Variants in CFAP46 observed in about 807,000 individuals in gnomAD.
The protein encoded by CFAP46 is cilia- and flagella-associated protein 46.
A neutral mutation model predicts 325.7 loss-of-function variants in CFAP46; 245 were observed. That is an observed-to-expected ratio of 0.75 (90% CI 0.68 to 0.84). The LOEUF (loss-of-function observed/expected upper bound fraction) is 0.84. CFAP46 is among the 40% of genes least tolerant of loss of function. The pLI is 0.00. For synonymous variants in CFAP46, 1,523 were observed against 1,495.9 expected (o/e 1.02, Z -0.42); for missense variants, 3,346 against 3,543.0 (o/e 0.94, Z 1.41).
intron 46 of CFAP46, 102 bp downstream of exon 46, chr10:132,836,040 C>T (rs1377354217): frequency 6.5e-6 from 2 of 308,930 alleles, no homozygotes; most frequent in East Asian, 1.2e-4. Context: ...CTCCCCTCCA[C>T]CTCTCACCTC....
Position 132,846,340 on chromosome 10 carries a change from T to TCCTGGCAAGGCTCC in CFAP46, c.6268-127_6268-114dup, listed in dbSNP as rs1381813537. 2.3e-6 allele frequency: 3 copies of TCCTGGCAAGGCTCC among 1,321,430 alleles called. No homozygotes were observed. In the Admixed American group the frequency reaches 7.5e-5, roughly 33 times the overall value. The allele number at this position is 1,321,430 out of a possible 1,614,324, so 81.9% of individuals were successfully genotyped here. ...CCTGGGAGCAGGAGTGGGCTGGCTC[T>TCCTGGCAAGGCTCC]CCTGGCAAGGCTCCCCTGGGATGCT... On this transcript the variant is annotated intron_variant, in intron 43 of 57. Coordinates refer to ENST00000368586, the MANE Select transcript of CFAP46 (RefSeq NM_001200049.3).
At chr10:132,826,502 C>T (rs865887008) in intron 50 of CFAP46, among the ~76,000 whole-genome samples, 73 of 134,156 alleles carry the variant, frequency 5.4e-4, no homozygotes, top group East Asian at 2.3e-3. Flanking sequence ...GCCGGAGCCA[C>T]GGAGCCAGGC....
At chr10:132,897,115 G>A (rs561173473) in intron 24 of CFAP46, among the ~76,000 whole-genome samples, 1 of 152,184 alleles carries the variant, frequency 6.6e-6, no homozygotes, top group South Asian at 2.1e-4. Context: ...TAACTCAAAT[G>A]GATCAAAGAT....
rs1401375018 is a variant in CFAP46, at chr10:132,898,200, C to T, written c.3219+759G>A. Among the ~76,000 whole-genome samples the T allele has an allele frequency of 6.6e-5, 10 of 152,188 alleles. 1 individual carries two copies. Among genetic ancestry groups the T allele is most frequent in the African/African-American group, 9.7e-5 (4 of 41,448 alleles). ...AGTCTCAGCCTCTTTCCAGGAGGAG[C>T]GGGATGCCTCCCCATCTCCCAGCAG... On this transcript the variant is annotated intron_variant, in intron 24 of 57. Transcript: ENST00000368586.
rs760878393 is a variant in CFAP46 at position 132,808,796 on chromosome 10, C to A, written c.7773G>T (p.Arg2591=). 5.6e-6 allele frequency: 9 copies of A among 1,604,492 alleles called. No individual in the cohort carries two copies. Among genetic ancestry groups the A allele is most frequent in the Non-Finnish European group, 4.3e-6 (5 of 1,175,990 alleles). ...GPVWAAAPSH[R]VVQAWTCLPS... is the part of the protein sequence containing the mutation. ...GGAGGCAGGTCCAGGCCTGCACTACCCGATGGCTTGGTGCGGCAGCCCATA... is the reference window on the plus strand; with the variant it reads ...GGAGGCAGGTCCAGGCCTGCACTACACGATGGCTTGGTGCGGCAGCCCATA... The change falls in exon 58 of 58, where the codon CGG becomes CGT. Residue 2591 remains arginine (R), a synonymous_variant. Coordinates refer to ENST00000368586, the MANE Select transcript of CFAP46 (RefSeq NM_001200049.3). This position sits in a 1 kb window ranked among gnomAD's most constrained non-coding sequence, Gnocchi z 6.8.
In CFAP46 at chr10:132,822,669, TTGTGTGTGC is replaced by T. The variant is rs1260859164; in HGVS notation, c.7118-7764_7118-7756del. The stretch of plus-strand genomic sequence containing the variant: ...GCGCTGATGTGTGCTGTGTGTGCGC[TTGTGTGTGC>T]TGTGTGTGCTGATGTGTGCTGTGTG... On this transcript the variant is annotated intron_variant, in intron 50 of 57. Coordinates refer to ENST00000368586, the MANE Select transcript of CFAP46 (RefSeq NM_001200049.3). 5.9e-4 allele frequency among the ~76,000 whole-genome samples: 77 copies of T among 130,222 alleles called. 1 individual carries two copies. The highest frequency in any genetic ancestry group is 2.1e-3 in the African/African-American group (71 of 33,728). The allele number at this position is 130,222 out of a possible 152,430, so 85.4% of individuals were successfully genotyped here.
intron 24 of CFAP46, among the ~76,000 whole-genome samples, chr10:132,894,014 G>A (rs1232481958): frequency 6.6e-6 from 1 of 151,910 alleles, no homozygotes; most frequent in Non-Finnish European, 1.5e-5. Flanking sequence ...GCAGCCCCCT[G>A]TGGGTTTGCC....
At chr10:132,934,488 G>A (rs1591100426) in intron 8 of CFAP46, among the ~76,000 whole-genome samples, 1 of 152,220 alleles carries the variant, frequency 6.6e-6, no homozygotes, top group Non-Finnish European at 1.5e-5. Flanking sequence ...CACCAGAACC[G>A]TGAGAGGTGC....
chr10:132,855,307 C>T (rs1591056053), intron 39 of CFAP46, among the ~76,000 whole-genome samples: 1 of 152,232 alleles, frequency 6.6e-6, no homozygotes, highest in Non-Finnish European at 1.5e-5. Flanking sequence ...ATTCTTTTTT[C>T]CAAAATCGGC....
chr10:132,814,647 G>A (rs1174967009), intron 52 of CFAP46, 35 bp from the exon 53 acceptor site: 4 of 1,581,846 alleles, frequency 2.5e-6, no homozygotes, highest in East Asian at 2.3e-5. Context: ...GGAGCACAGG[G>A]CGGGGTCTGG....
chr10:132,870,564 T>C (rs1490563434), intron 32 of CFAP46, among the ~76,000 whole-genome samples: 1 of 152,164 alleles, frequency 6.6e-6, no homozygotes, highest in Non-Finnish European at 1.5e-5. Context: ...TCAGTGCCGG[T>C]ATGAAAAAGT....
intron 44 of CFAP46, 26 bp downstream of exon 44, chr10:132,846,031 G>A (rs757994669): frequency 6.3e-7 from 1 of 1,590,910 alleles, no homozygotes; most frequent in Non-Finnish European, 8.5e-7. Context: ...CTGGGGGCAG[G>A]TTCAGCGGCA....
chr10:132,836,775 C>T, intron 45 of CFAP46, 42 bp downstream of exon 45: 1 of 1,558,424 alleles, frequency 6.4e-7, no homozygotes, highest in Non-Finnish European at 8.8e-7. Flanking sequence ...TGAGGCCTCT[C>T]AGCGGGCTGG....
chr10:132,861,041 G>A, intron 35 of CFAP46, 59 bp from the exon 36 acceptor site: 1 of 1,481,940 alleles, frequency 6.7e-7, no homozygotes. Context: ...CAGGCAGGGA[G>A]ACAGGAGCAG....
intron 53 of CFAP46, 87 bp downstream of exon 53, chr10:132,814,490 G>C: frequency 6.7e-7 from 1 of 1,484,530 alleles, no homozygotes; most frequent in East Asian, 2.5e-5. Context: ...TCGAGGAGTG[G>C]GGCACCAGTT....
chr10:132,851,419 A>C (rs913969208), intron 39 of CFAP46, 114 bp from the exon 40 acceptor site: 1 of 976,988 alleles, frequency 1.0e-6, no homozygotes, highest in Non-Finnish European at 1.5e-6. Context: ...CAAACTGCGC[A>C]GATCTACAGT....
rs1849493799 is a variant in CFAP46 at position 132,908,574 on chromosome 10, T to C, written c.2818A>G (p.Thr940Ala). Residue 940 changes from threonine (T) to alanine (A), a missense_variant, in exon 22 of 58, where the codon ACG becomes GCG. Transcript: ENST00000368586. ...GCATGGGCGAAGTGGGTCAGCCGCG[T>C]CAGGGTCTGCAGCTCCACCAGGGGG... is the stretch of plus-strand genomic sequence containing the variant. ...SDPLVELQTLTRLTHFAHAAR... is the reference protein window; with the variant it reads ...SDPLVELQTLARLTHFAHAAR... 6.5e-7 allele frequency: 1 copy of C among 1,550,274 alleles called. No homozygotes were observed. Among genetic ancestry groups the C allele is most frequent in the Non-Finnish European group, 8.7e-7 (1 of 1,146,826 alleles).
chr10:132,901,855 T>C lies in CFAP46; in HGVS notation c.2925-2189A>G, dbSNP rs369683128. On this transcript the variant is annotated intron_variant, in intron 22 of 57. Transcript: ENST00000368586. Reference sequence around the variant, plus strand: ...TTGTGAGGACTATTGCTGGCGGATATAGAATTCTAGACTGACAGGTTTTCT... The same window carrying C: ...TTGTGAGGACTATTGCTGGCGGATACAGAATTCTAGACTGACAGGTTTTCT... Among the ~76,000 whole-genome samples, 5 of 152,348 alleles carry C rather than the reference T, an allele frequency of 3.3e-5. No homozygotes were observed. The South Asian group carries it at 8.3e-4, about 25-fold the overall frequency.
At chr10:132,866,734 C>T (rs1848818590) in intron 34 of CFAP46, among the ~76,000 whole-genome samples, 1 of 152,228 alleles carries the variant, frequency 6.6e-6, no homozygotes, top group African/African-American at 2.4e-5. Flanking sequence ...AGCCCCTGTC[C>T]TGTCCTGACT....
Sources: allele counts gnomAD v4.1 joint callset (sites outside exome capture counted in the v4.1 genomes callset), GRCh38; gene constraint gnomAD v4.1.1; non-coding constraint Gnocchi (gnomAD v3.1); transcripts MANE v1.5; gene names NCBI Gene and HGNC (gene_info 2026-07-23, HGNC 2026-07-21).